GRM8: variants seen among roughly 807,000 people sequenced by gnomAD.
GRM8 encodes the protein glutamate metabotropic receptor 8, also known as metabotropic glutamate receptor 8.
A neutral mutation model predicts 87.2 loss-of-function variants in GRM8; 47 were observed. The observed-to-expected ratio is 0.54, with a 90% CI of 0.43 to 0.69. The LOEUF (loss-of-function observed/expected upper bound fraction) is 0.69. Among genes scored for constraint, GRM8 ranks in the 30% least tolerant of loss-of-function variants. The pLI is 0.00. For synonymous variants in GRM8, 396 were observed against 404.5 expected, an observed-to-expected ratio of 0.98 and a Z score of 0.25; for missense variants, 1,019 against 1,139.2, an observed-to-expected ratio of 0.89 and a Z score of 1.52.
chr7:126,728,479 T>C (rs901463306), intron 7 of GRM8, among the ~76,000 whole-genome samples: 3 of 152,028 alleles, frequency 2.0e-5, no homozygotes, highest in Admixed American at 2.0e-4. Context: ...CTTGGAGCTT[T>C]GTGTTCCAAT....
At chr7:127,119,693 C>A (rs1167327055) in intron 2 of GRM8, among the ~76,000 whole-genome samples, 2 of 152,116 alleles carry the variant, frequency 1.3e-5, no homozygotes, top group African/African-American at 4.8e-5. Context: ...TGTTCATGAG[C>A]CCAGTTCAGT....
intron 7 of GRM8, among the ~76,000 whole-genome samples, chr7:126,634,635 C>T (rs1585305059): frequency 1.3e-5 from 2 of 151,900 alleles, no homozygotes; most frequent in Admixed American, 6.6e-5. Context: ...AGAAACACAC[C>T]TGCCTACCTT....
Position 126,468,025 on chromosome 7 carries a change from G to A in GRM8, c.2431-21653C>T, listed in dbSNP as rs200750812. On this transcript the variant is annotated intron_variant, in intron 9 of 10. Coordinates refer to ENST00000339582, the MANE Select transcript of GRM8 (RefSeq NM_000845.3). ...TCCTCATCTATAAACCTTTTATAAC[G>A]ATATCATCTCTAATTGTCTCACTAG... 4.6e-5 allele frequency among the ~76,000 whole-genome samples: 7 copies of A among 151,734 alleles called. No individual in the cohort carries two copies. The East Asian group carries it at 9.7e-4, about 21-fold the overall frequency.
At chr7:127,182,632 G>GGTGTGTGTGTGTGT (rs35530710) in intron 2 of GRM8, among the ~76,000 whole-genome samples, 6 of 141,720 alleles carry the variant, frequency 4.2e-5, no homozygotes, top group African/African-American at 7.8e-5. Context: ...AAGAAAGTGT[G>GGTGTGTGTGTGTGT]GTGTGTGTGT....
chr7:126,654,842 G>T (rs1055903367), intron 7 of GRM8, among the ~76,000 whole-genome samples: 15 of 152,168 alleles, frequency 9.9e-5, no homozygotes, highest in African/African-American at 3.6e-4. Flanking sequence ...AGGTATTTAA[G>T]CCTTGGGAAA....
intron 6 of GRM8, chr7:126,869,928 T>C (rs929741974): frequency 1.1e-5 from 1 of 87,124 alleles, no homozygotes; most frequent in African/African-American, 5.3e-5. Context: ...CTTTTCCTCA[T>C]AGATTAAAAA....
At chr7:126,929,017 AAT>A (rs1805452332) in intron 3 of GRM8, among the ~76,000 whole-genome samples, 1 of 152,196 alleles carries the variant, frequency 6.6e-6, no homozygotes, top group African/African-American at 2.4e-5. Context: ...TGATGCATTT[AAT>A]GGGCTCTGGC....
chr7:126,496,271 A>AG (rs1808716124), intron 9 of GRM8, among the ~76,000 whole-genome samples: 1 of 151,952 alleles, frequency 6.6e-6, no homozygotes. Flanking sequence ...GAAGAAAGGA[A>AG]GGAGGTAGGA....
chr7:126,878,905 G>A (rs1799772972), intron 6 of GRM8, among the ~76,000 whole-genome samples: 1 of 150,458 alleles, frequency 6.6e-6, no homozygotes, highest in Non-Finnish European at 1.5e-5. Context: ...GCTCACGCCT[G>A]TAATCCCAGC....
intron 7 of GRM8, among the ~76,000 whole-genome samples, chr7:126,632,998 ATTATT>A (rs1801493739): frequency 6.6e-6 from 1 of 152,190 alleles, no homozygotes; most frequent in East Asian, 1.9e-4. Context: ...TTTCCTCTTT[ATTATT>A]TTATTTCCTG....
chr7:126,753,003 T>C (rs1011984228), intron 7 of GRM8, among the ~76,000 whole-genome samples: 8 of 152,124 alleles, frequency 5.3e-5, no homozygotes, highest in African/African-American at 1.9e-4. Context: ...CAATGCCTAG[T>C]ATACAGTAAG....
chr7:126,893,911 T>C (rs1185215716), intron 6 of GRM8, among the ~76,000 whole-genome samples: 3 of 152,042 alleles, frequency 2.0e-5, no homozygotes, highest in African/African-American at 2.4e-5. Context: ...TTCAGCTAGT[T>C]CTTTTGTTTA....
chr7:126,943,199 T>C (rs867614962), intron 3 of GRM8, among the ~76,000 whole-genome samples: 1 of 152,176 alleles, frequency 6.6e-6, no homozygotes. Flanking sequence ...AAATTACTAA[T>C]GGTCAGAGTC....
At chr7:126,573,110 A>G (rs556261855) in intron 8 of GRM8, among the ~76,000 whole-genome samples, 2 of 152,334 alleles carry the variant, frequency 1.3e-5, no homozygotes, top group African/African-American at 4.8e-5. Flanking sequence ...AAATGGCCCC[A>G]GGTTTATGGT....
At chr7:126,561,211 A>G (rs1446117244) in intron 8 of GRM8, among the ~76,000 whole-genome samples, 1 of 152,132 alleles carries the variant, frequency 6.6e-6, no homozygotes, top group Non-Finnish European at 1.5e-5. Context: ...AGTGGCTCAC[A>G]CCTGTAGTCC....
intron 9 of GRM8, among the ~76,000 whole-genome samples, chr7:126,514,471 G>T (rs1425273655): frequency 6.6e-6 from 1 of 152,068 alleles, no homozygotes; most frequent in African/African-American, 2.4e-5. Flanking sequence ...AAAAATGGGT[G>T]AATATTTATG....
At chr7:126,806,129 G>A (rs532956403) in intron 6 of GRM8, among the ~76,000 whole-genome samples, 19 of 152,272 alleles carry the variant, frequency 1.2e-4, no homozygotes, top group Admixed American at 1.2e-3. Context: ...CTTAAAGATG[G>A]TGCACCCGGA....
chr7:126,772,747 A>C lies in GRM8; in HGVS notation c.1157-2682T>G, dbSNP rs78899982. Among the ~76,000 whole-genome samples the C allele has an allele frequency of 1.1e-3, 170 of 152,216 alleles. 5 individuals are homozygous for C. The East Asian group carries it at 0.03, about 27-fold the overall frequency. ...CACTAGATGAAGAGTCAAAGAACAC[A>C]ATTCCCAATATTTACGCATTTCAAA... On this transcript the variant is annotated intron_variant, in intron 6 of 10. Transcript: ENST00000339582.
rs1273675883 is a variant in GRM8 at position 127,021,896 on chromosome 7, T to G, written c.727+84600A>C. ...ATGTGCAATTTTTATGTCTCTGACT[T>G]TAGAGGATTTTTTAACAATTTTGTG... On this transcript the variant is annotated intron_variant, in intron 3 of 10. Transcript: ENST00000339582. Among the ~76,000 whole-genome samples the G allele has an allele frequency of 2.0e-5, 3 of 152,066 alleles. No homozygotes were observed. The East Asian group carries it at 5.8e-4, about 29-fold the overall frequency.
Sources: allele counts gnomAD v4.1 joint callset (sites outside exome capture counted in the v4.1 genomes callset), GRCh38; gene constraint gnomAD v4.1.1; transcripts MANE v1.5; gene names NCBI Gene and HGNC (gene_info 2026-07-23, HGNC 2026-07-21).